Variants in PIK3CA observed in about 807,000 individuals in gnomAD.
PIK3CA encodes phosphatidylinositol 4,5-bisphosphate 3-kinase catalytic subunit alpha isoform.
A neutral mutation model predicts 138.2 loss-of-function variants in PIK3CA; 27 were observed. The observed-to-expected ratio is 0.20, with a 90% CI of 0.14 to 0.27. The LOEUF (loss-of-function observed/expected upper bound fraction) is 0.27. PIK3CA is among the 10% of genes least tolerant of loss of function. The pLI, the probability that PIK3CA is intolerant of heterozygous loss-of-function variation, is 1.00. For synonymous variants in PIK3CA, 358 were observed against 413.2 expected, an observed-to-expected ratio of 0.87 and a Z score of 1.62; for missense variants, 544 against 1,277.4, an observed-to-expected ratio of 0.43 and a Z score of 8.75.
intron 1 of PIK3CA, among the ~76,000 whole-genome samples, chr3:179,170,941 A>T (rs1157454071): frequency 1.3e-5 from 2 of 152,198 alleles, no homozygotes. Context: ...CAATCAGCCA[A>T]CTCAATCTAA....
intron 8 of PIK3CA, 45 bp downstream of exon 8, chr3:179,210,383 A>G: frequency 2.5e-6 from 4 of 1,584,158 alleles, no homozygotes; most frequent in Non-Finnish European, 3.4e-6. Context: ...TATGGCAGTC[A>G]AACCTTCTCT....
intron 17 of PIK3CA, among the ~76,000 whole-genome samples, chr3:179,226,421 GC>G (rs1725083872): frequency 6.6e-6 from 1 of 152,032 alleles, no homozygotes; most frequent in African/African-American, 2.4e-5. Flanking sequence ...CAGTTTTGCA[GC>G]AAAATTATGC....
chr3:179,200,038 A>G, intron 3 of PIK3CA, 139 bp downstream of exon 3: 1 of 514,274 alleles, frequency 1.9e-6, no homozygotes, highest in Non-Finnish European at 3.4e-6. Context: ...TACTGACAAG[A>G]TATAGTTGAG....
At chr3:179,200,221 A>G (rs2108388415) in intron 3 of PIK3CA, among the ~76,000 whole-genome samples, 1 of 152,120 alleles carries the variant, frequency 6.6e-6, no homozygotes, top group Admixed American at 6.5e-5. Flanking sequence ...AAAACTATAA[A>G]TAGAAACATT....
intron 1 of PIK3CA, among the ~76,000 whole-genome samples, chr3:179,153,441 A>G (rs1000414251): frequency 6.6e-6 from 1 of 152,332 alleles, no homozygotes; most frequent in East Asian, 1.9e-4. Context: ...GGAAAATTCT[A>G]CACCTGGCAT....
At chr3:179,224,556 G>C in intron 15 of PIK3CA, 144 bp from the exon 16 acceptor site, 3 of 496,670 alleles carry the variant, frequency 6.0e-6, no homozygotes, top group Non-Finnish European at 1.0e-5. Flanking sequence ...TTTAGGAATG[G>C]ATTCCTAAAT....
chr3:179,182,224 CTT>C (rs1419639024), intron 1 of PIK3CA, among the ~76,000 whole-genome samples: 4 of 152,088 alleles, frequency 2.6e-5, no homozygotes, highest in Non-Finnish European at 5.9e-5. Context: ...CTTTTAATGA[CTT>C]ATGTTAAATA....
chr3:179,190,476 A>G (rs1185164492), intron 1 of PIK3CA, among the ~76,000 whole-genome samples: 2 of 152,136 alleles, frequency 1.3e-5, no homozygotes, highest in African/African-American at 4.8e-5. Context: ...TGACTCTAGA[A>G]ATATTTAAAG....
intron 4 of PIK3CA, among the ~76,000 whole-genome samples, chr3:179,202,980 G>A (rs1421518991): frequency 6.1e-5 from 8 of 131,030 alleles, no homozygotes; most frequent in African/African-American, 9.0e-5. Flanking sequence ...TTGCTCTGTC[G>A]CCCAGGCTGG....
In PIK3CA at chr3:179,237,102, T is replaced by TA. The variant is rs1308856042; in HGVS notation, c.*2739dup. The TA allele has an allele frequency of 1.0e-5, 2 of 196,782 alleles. No homozygotes were observed. Among genetic ancestry groups the TA allele is most frequent in the African/African-American group, 4.6e-5 (2 of 43,352 alleles). 12.2% of individuals were successfully genotyped at this position (196,782 alleles called of 1,614,324 possible). On this transcript the variant is annotated 3_prime_UTR_variant, in exon 21 of 21. Coordinates refer to ENST00000263967, the MANE Select transcript of PIK3CA (RefSeq NM_006218.4). Reference sequence around the variant, plus strand: ...TAGTAAGAAATGACTGTTGGAAAATTATGCTTTCACTTTCTACCATATTCT... The same window carrying TA: ...TAGTAAGAAATGACTGTTGGAAAATTAATGCTTTCACTTTCTACCATATTCT...
intron 1 of PIK3CA, among the ~76,000 whole-genome samples, chr3:179,193,595 A>G (rs1724190341): frequency 6.6e-6 from 1 of 152,268 alleles, no homozygotes; most frequent in African/African-American, 2.4e-5. Context: ...GGTGCTTGTA[A>G]TGAGGACTAT....
At chr3:179,168,333 A>C (rs1723468984) in intron 1 of PIK3CA, among the ~76,000 whole-genome samples, 1 of 152,134 alleles carries the variant, frequency 6.6e-6, no homozygotes, top group Non-Finnish European at 1.5e-5. Context: ...TAATTACTGC[A>C]TTGTTTTTTA....
chr3:179,164,126 A>C (rs1220388080), intron 1 of PIK3CA, among the ~76,000 whole-genome samples: 1 of 152,220 alleles, frequency 6.6e-6, no homozygotes, highest in Non-Finnish European at 1.5e-5. Flanking sequence ...AAAAGATACA[A>C]AATTATGTAT....
chr3:179,204,118 A>C (rs375778844), intron 5 of PIK3CA, among the ~76,000 whole-genome samples: 4 of 152,300 alleles, frequency 2.6e-5, no homozygotes, highest in South Asian at 4.1e-4. Flanking sequence ...CTTAGTATAA[A>C]ATTCCGGTAT....
chr3:179,178,143 A>C (rs1723748080), intron 1 of PIK3CA, among the ~76,000 whole-genome samples: 1 of 142,610 alleles, frequency 7.0e-6, no homozygotes, highest in East Asian at 2.0e-4. Context: ...GAAGTTAGCT[A>C]GGCATGGAGG....
rs199552207 is a variant in PIK3CA, at chr3:179,203,797, C to A, written c.1059+8C>A. 2 of 1,585,000 alleles carry A rather than the reference C, an allele frequency of 1.3e-6. No individual in the cohort carries two copies. The highest frequency in any genetic ancestry group is 1.1e-5 in the South Asian group (1 of 88,252). On this transcript the variant is annotated splice_region_variant and intron_variant, in intron 5 of 20. Transcript: ENST00000263967. ...ATTCGAGACATTGATAAGGTAAAGT[C>A]AAATGCTGATGCTTATTATTTTATA...
rs1576943715 is a variant in PIK3CA, at chr3:179,221,018, G to C, written c.2048G>C (p.Arg683Thr). 3.7e-6 allele frequency: 6 copies of C among 1,613,088 alleles called. No individual in the cohort carries two copies. The highest frequency in any genetic ancestry group is 5.1e-6 in the Non-Finnish European group (6 of 1,179,402). Residue 683 changes from arginine to threonine, a missense_variant, in exon 14 of 21, where the codon AGG becomes ACG. By Grantham distance (71) the Arg-to-Thr change is moderately conservative. This residue lies in a region of PIK3CA where 22 missense variants were observed against 107.9 expected (regional missense o/e 0.20). Coordinates refer to ENST00000263967, the MANE Select transcript of PIK3CA (RefSeq NM_006218.4). ...ATGCACAATAAAACAGTTAGCCAGA[G>C]GTTTGGCCTGCTTTTGGAGTCCTAT... Reference protein sequence around the residue: ...SEMHNKTVSQRFGLLLESYCR... With the variant: ...SEMHNKTVSQTFGLLLESYCR...
intron 1 of PIK3CA, among the ~76,000 whole-genome samples, chr3:179,153,411 G>A (rs1261314820): frequency 6.6e-6 from 1 of 152,064 alleles, no homozygotes; most frequent in Non-Finnish European, 1.5e-5. Flanking sequence ...CTTCTTGAGT[G>A]CCAACATACG....
chr3:179,191,553 A>G (rs1560134601), intron 1 of PIK3CA, among the ~76,000 whole-genome samples: 1 of 152,224 alleles, frequency 6.6e-6, no homozygotes, highest in East Asian at 1.9e-4. Flanking sequence ...GCTTCAAAAT[A>G]ACTTTCTTTC....
Sources: allele counts gnomAD v4.1 joint callset (sites outside exome capture counted in the v4.1 genomes callset), GRCh38; gene constraint gnomAD v4.1.1; regional missense constraint gnomAD v4.1.1; transcripts MANE v1.5; gene names NCBI Gene and HGNC (gene_info 2026-07-23, HGNC 2026-07-21).